The following RHOBTB1 variants were observed in gnomAD, a reference collection of about 807,000 sequenced individuals.
RHOBTB1 encodes Rho related BTB domain containing 1.
RHOBTB1 carries 40 observed loss-of-function variants against 71.6 expected under a neutral mutation model. The ratio of observed to expected loss-of-function variants is 0.56; its 90% confidence interval spans 0.43 to 0.73. RHOBTB1 has a LOEUF of 0.73. Ranked by LOEUF, RHOBTB1 falls within the 30% of genes least tolerant of loss-of-function variation. The pLI is 0.00. For missense variants in RHOBTB1, 797 were observed against 894.0 expected, an observed-to-expected ratio of 0.89 and a Z score of 1.38; for synonymous variants, 319 against 334.9, an observed-to-expected ratio of 0.95 and a Z score of 0.52.
chr10:60,889,319 C>T, intron 5 of RHOBTB1, 134 bp from the exon 6 acceptor site: 1 of 792,532 alleles, frequency 1.3e-6, no homozygotes, highest in Non-Finnish European at 1.9e-6. Flanking sequence ...GAAAAATCTG[C>T]CACCACCTCA....
chr10:60,940,020 T>A (rs750958891), intron 2 of RHOBTB1, among the ~76,000 whole-genome samples: 24 of 152,146 alleles, frequency 1.6e-4, no homozygotes, highest in African/African-American at 7.2e-5. Flanking sequence ...CTAATCATGT[T>A]GATGAGGTCT....
intron 2 of RHOBTB1, among the ~76,000 whole-genome samples, chr10:60,976,946 A>G (rs909625655): frequency 9.9e-5 from 15 of 151,966 alleles, no homozygotes; most frequent in Non-Finnish European, 1.6e-4. Flanking sequence ...TTTATCAGAA[A>G]CTTTTGCATG....
At chr10:60,985,131 G>A (rs1176992513) in intron 2 of RHOBTB1, among the ~76,000 whole-genome samples, 1 of 152,170 alleles carries the variant, frequency 6.6e-6, no homozygotes, top group Admixed American at 6.5e-5. Context: ...GCTACACACA[G>A]AGAGTTTTCC....
intron 2 of RHOBTB1, among the ~76,000 whole-genome samples, chr10:60,950,557 A>G (rs1329553376): frequency 6.6e-6 from 1 of 152,200 alleles, no homozygotes; most frequent in Non-Finnish European, 1.5e-5. Context: ...CCATCTCACT[A>G]ACTAGGATGT....
intron 2 of RHOBTB1, among the ~76,000 whole-genome samples, chr10:60,968,962 C>T (rs566736263): frequency 2.6e-5 from 4 of 151,988 alleles, no homozygotes; most frequent in South Asian, 2.1e-4. Context: ...TGCTGATGCC[C>T]GTGTTCTTGT....
At chr10:60,895,445 C>T (rs746910128) in intron 4 of RHOBTB1, among the ~76,000 whole-genome samples, 1 of 152,124 alleles carries the variant, frequency 6.6e-6, no homozygotes, top group Non-Finnish European at 1.5e-5. Flanking sequence ...GCTCTTGTTG[C>T]CCAGGCTGGA....
chr10:60,988,205 A>AT (rs1197074970), intron 1 of RHOBTB1, among the ~76,000 whole-genome samples: 1 of 152,016 alleles, frequency 6.6e-6, no homozygotes, highest in Non-Finnish European at 1.5e-5. Context: ...AAGTGCTGGG[A>AT]TTGCAGGCGT....
intron 9 of RHOBTB1, among the ~76,000 whole-genome samples, chr10:60,872,752 C>T (rs1445207813): frequency 6.6e-6 from 1 of 152,178 alleles, no homozygotes; most frequent in Non-Finnish European, 1.5e-5. Flanking sequence ...GTGTGACTGT[C>T]CTATACCTCT....
intron 7 of RHOBTB1, among the ~76,000 whole-genome samples, chr10:60,884,050 G>A (rs542871268): frequency 5.8e-4 from 88 of 152,288 alleles, no homozygotes; most frequent in Middle Eastern, 6.8e-3. Context: ...ACCATAAGAG[G>A]CCATCAGGAT....
At chr10:60,894,193 T>C (rs1279093253) in intron 4 of RHOBTB1, among the ~76,000 whole-genome samples, 1 of 152,174 alleles carries the variant, frequency 6.6e-6, no homozygotes, top group African/African-American at 2.4e-5. Context: ...AATAATCACT[T>C]GCAATGCAGA....
chr10:60,970,093 T>C lies in RHOBTB1; in HGVS notation c.-62+15752A>G, dbSNP rs1194447542. On this transcript the variant is annotated intron_variant, in intron 2 of 11. Coordinates refer to the RHOBTB1 transcript ENST00000357917. Reference sequence around the variant, plus strand: ...CCAGTTGTATCTGGTCAGGGCATCATCCAATGCTGTGGATGAAGCTTGCTG... The same window carrying C: ...CCAGTTGTATCTGGTCAGGGCATCACCCAATGCTGTGGATGAAGCTTGCTG... Among the ~76,000 whole-genome samples, 4 of 152,124 alleles carry C rather than the reference T, an allele frequency of 2.6e-5. 1 individual carries two copies. The highest frequency in any genetic ancestry group is 5.9e-5 in the Non-Finnish European group (4 of 68,016).
intron 9 of RHOBTB1, among the ~76,000 whole-genome samples, chr10:60,872,823 C>T (rs757733151): frequency 3.3e-5 from 5 of 152,158 alleles, no homozygotes; most frequent in Non-Finnish European, 7.4e-5. Flanking sequence ...AGATACTCCA[C>T]CCTTCCATTC....
At chr10:60,985,457 A>G (rs1565193591) in intron 2 of RHOBTB1, among the ~76,000 whole-genome samples, 1 of 152,246 alleles carries the variant, frequency 6.6e-6, no homozygotes, top group East Asian at 1.9e-4. Flanking sequence ...ACGCACAGCA[A>G]TCTGGTCATT....
chr10:60,929,264 T>C (rs1459737065), intron 2 of RHOBTB1, among the ~76,000 whole-genome samples: 2 of 152,138 alleles, frequency 1.3e-5, no homozygotes, highest in Non-Finnish European at 2.9e-5. Context: ...AAATATCACA[T>C]GTACCCCATA....
At chr10:60,979,012 T>C (rs1330708871) in intron 2 of RHOBTB1, among the ~76,000 whole-genome samples, 1 of 152,158 alleles carries the variant, frequency 6.6e-6, no homozygotes, top group Admixed American at 6.6e-5. Context: ...CCAGCAATAA[T>C]AAACAGTGAC....
downstream of RHOBTB1, among the ~76,000 whole-genome samples, chr10:60,866,373 T>C (rs1038047259): frequency 1.3e-5 from 2 of 152,328 alleles, no homozygotes; most frequent in Admixed American, 6.5e-5. Flanking sequence ...ATTTGCTATG[T>C]AACACCATTT....
At chr10:60,958,693 T>C (rs1480304158) in intron 2 of RHOBTB1, among the ~76,000 whole-genome samples, 3 of 152,126 alleles carry the variant, frequency 2.0e-5, no homozygotes, top group Admixed American at 2.0e-4. Context: ...CTTGACTGCC[T>C]AGGAAGAGGT....
At chr10:60,904,612 C>T (rs781079337) in intron 4 of RHOBTB1, among the ~76,000 whole-genome samples, 20 of 152,164 alleles carry the variant, frequency 1.3e-4, no homozygotes, top group Admixed American at 3.3e-4. Context: ...GGTTTGGTAA[C>T]GAGTATCAGA....
chr10:60,937,703 C>T lies in RHOBTB1; in HGVS notation c.-11+4101G>A, dbSNP rs181112019. ...TGTAATGGAGACTGGGCCACTGGAA[C>T]CCAGAGAGACCACTCGGCCTGTTGT... On this transcript the variant is annotated intron_variant, in intron 2 of 10. Coordinates refer to ENST00000337910, the MANE Select transcript of RHOBTB1 (RefSeq NM_014836.5). Among the ~76,000 whole-genome samples, 1,491 of 152,254 alleles carry T rather than the reference C, an allele frequency of 9.8e-3. 16 individuals are homozygous for T. The highest frequency in any genetic ancestry group is 0.014 in the Non-Finnish European group (934 of 68,020).
Sources: allele counts gnomAD v4.1 joint callset (sites outside exome capture counted in the v4.1 genomes callset), GRCh38; gene constraint gnomAD v4.1.1; transcripts MANE v1.5; gene names NCBI Gene and HGNC (gene_info 2026-07-23, HGNC 2026-07-21).